Variants in DLGAP2 observed in about 807,000 individuals in gnomAD.
The protein encoded by DLGAP2 is DLG associated protein 2, also known as disks large-associated protein 2.
DLGAP2 carries 26 observed loss-of-function variants against 100.3 expected under a neutral mutation model. That is an observed-to-expected ratio of 0.26 (90% CI 0.19 to 0.36). The LOEUF is 0.36. Among genes scored for constraint, DLGAP2 ranks in the 10% least tolerant of loss-of-function variants. The pLI is 1.00. For synonymous variants in DLGAP2, 886 were observed against 630.1 expected, an observed-to-expected ratio of 1.41 and a Z score of -6.08; for missense variants, 1,858 against 1,453.2, an observed-to-expected ratio of 1.28 and a Z score of -4.53.
At chr8:1,157,990 G>C (rs1034284794) in intron 2 of DLGAP2, among the ~76,000 whole-genome samples, 1 of 152,230 alleles carries the variant, frequency 6.6e-6, no homozygotes, top group Non-Finnish European at 1.5e-5. Flanking sequence ...ACAGATTCCA[G>C]TTTTACAGAG....
Position 1,632,903 on chromosome 8 carries a change from T to C in DLGAP2, c.1667T>C (p.Met556Thr), listed in dbSNP as rs2130781320. Residue 556 changes from methionine (M) to threonine (T), a missense_variant, in exon 8 of 15, where the codon ATG (methionine) becomes ACG (threonine). Physicochemically the swap from Met to Thr is moderately conservative, Grantham distance 81 (BLOSUM62 -1). Transcript: ENST00000637795. Reference sequence around the variant, plus strand: ...TTCAGTGAAGTTGAATCTCAGGCCATGGATGCCCTCGACCTCCCGGGATGT... The same window carrying C: ...TTCAGTGAAGTTGAATCTCAGGCCACGGATGCCCTCGACCTCCCGGGATGT... ...SVFSEVESQA[M>T]DALDLPGCFR... 10 of 1,613,918 alleles carry C rather than the reference T, an allele frequency of 6.2e-6. No homozygotes were observed. In the East Asian group the frequency reaches 8.9e-5, roughly 14 times the overall value.
At chr8:750,678 C>T (rs1298977159) in intron 1 of DLGAP2, among the ~76,000 whole-genome samples, 5 of 152,226 alleles carry the variant, frequency 3.3e-5, no homozygotes, top group Admixed American at 6.5e-5. Flanking sequence ...GCCCACATCC[C>T]GGTCTGCCTC....
chr8:853,971 C>T (rs1459888483), intron 1 of DLGAP2, among the ~76,000 whole-genome samples: 1 of 152,038 alleles, frequency 6.6e-6, no homozygotes, highest in Non-Finnish European at 1.5e-5. Context: ...TAAAAGGGAC[C>T]TGAGAGAGCT....
chr8:1,239,503 T>TTGTGTCTAGTTCTCTCACATGGTGC, intron 2 of DLGAP2, among the ~76,000 whole-genome samples: 4 of 68,244 alleles, frequency 5.9e-5, no homozygotes, highest in Admixed American at 1.7e-4. Context: ...ACACAGAGCA[T>TTGTGTCTAGTTCTCTCACATGGTGC]CGTGTCTAGT....
At chr8:1,522,225 G>C (rs1800628894) in intron 4 of DLGAP2, among the ~76,000 whole-genome samples, 2 of 152,234 alleles carry the variant, frequency 1.3e-5, no homozygotes, top group South Asian at 4.1e-4. Flanking sequence ...ATTTTTCCCA[G>C]TTGGGTTTGA....
chr8:1,558,607 C>T (rs927564818), intron 5 of DLGAP2, among the ~76,000 whole-genome samples: 1 of 148,470 alleles, frequency 6.7e-6, no homozygotes, highest in Admixed American at 6.7e-5. Flanking sequence ...CACCCATATG[C>T]CTGCACACAC....
intron 2 of DLGAP2, among the ~76,000 whole-genome samples, chr8:1,023,994 C>T (rs1164593194): frequency 1.3e-5 from 2 of 151,716 alleles, no homozygotes; most frequent in African/African-American, 2.4e-5. Flanking sequence ...CAGCCTCCAC[C>T]TCTTGTGTCT....
At chr8:1,082,207 G>C (rs1208200014) in intron 2 of DLGAP2, among the ~76,000 whole-genome samples, 1 of 152,118 alleles carries the variant, frequency 6.6e-6, no homozygotes, top group Non-Finnish European at 1.5e-5. Flanking sequence ...TAGAACTCGA[G>C]TGGCAGGTGG....
intron 3 of DLGAP2, among the ~76,000 whole-genome samples, chr8:1,306,601 A>G (rs1291226194): frequency 6.6e-6 from 1 of 152,212 alleles, no homozygotes; most frequent in Non-Finnish European, 1.5e-5. Flanking sequence ...CTTGAAAAAT[A>G]AGAACTAAGT....
In DLGAP2 at chr8:1,678,461, G is replaced by T. The variant is rs1331614634; in HGVS notation, c.2536G>T (p.Asp846Tyr). 6.2e-6 allele frequency: 10 copies of T among 1,613,318 alleles called. No individual in the cohort carries two copies. In the African/African-American group the frequency reaches 1.2e-4, roughly 19 times the overall value. The change falls in exon 12 of 15, where the codon GAC (aspartate) becomes TAC (tyrosine). Residue 846 changes from aspartate to tyrosine, a missense_variant. By Grantham distance (160) the Asp-to-Tyr change is radical (BLOSUM62 -3). Transcript: ENST00000637795. ...GGACACCTCCACCCTGCCCCCTCCA[G>T]ACCCCTGGCTGGAGCCCGCCATCGA... ...QVDTSTLPPPDPWLEPAIDTV... is the reference protein window; with the variant it reads ...QVDTSTLPPPYPWLEPAIDTV...
chr8:776,815 A>T (rs549613155), intron 1 of DLGAP2, among the ~76,000 whole-genome samples: 25 of 152,288 alleles, frequency 1.6e-4, no homozygotes, highest in Admixed American at 3.9e-4. Context: ...GCTGAAAAAA[A>T]TGTATATTCT....
chr8:1,490,715 C>T (rs1345529975), intron 3 of DLGAP2, among the ~76,000 whole-genome samples: 2 of 152,268 alleles, frequency 1.3e-5, no homozygotes, highest in South Asian at 4.2e-4. Flanking sequence ...ATGAACTGAC[C>T]TGGGCCCCAC....
intron 2 of DLGAP2, among the ~76,000 whole-genome samples, chr8:1,034,558 A>G (rs1284199276): frequency 3.7e-5 from 2 of 54,518 alleles, no homozygotes; most frequent in Non-Finnish European, 3.3e-5. Flanking sequence ...CCGCGAGTGG[A>G]CTCACACGCT....
At chr8:1,244,287 A>G (rs553719489) in intron 2 of DLGAP2, among the ~76,000 whole-genome samples, 1 of 152,312 alleles carries the variant, frequency 6.6e-6, no homozygotes, top group South Asian at 2.1e-4. Flanking sequence ...GAGGTGCTTA[A>G]TAAATAACTG....
At chr8:1,250,872 C>T (rs1352666669) in intron 2 of DLGAP2, among the ~76,000 whole-genome samples, 1 of 152,298 alleles carries the variant, frequency 6.6e-6, no homozygotes, top group African/African-American at 2.4e-5. Context: ...GACGGGGTGA[C>T]GCTCTGAGAA....
intron 2 of DLGAP2, among the ~76,000 whole-genome samples, chr8:981,618 G>C (rs1800334139): frequency 6.6e-6 from 1 of 152,164 alleles, no homozygotes; most frequent in Non-Finnish European, 1.5e-5. Context: ...AGCTGTACTA[G>C]TGAGTGTGAG....
chr8:1,099,667 T>C (rs1271274766), intron 2 of DLGAP2, among the ~76,000 whole-genome samples: 1 of 152,238 alleles, frequency 6.6e-6, no homozygotes, highest in Non-Finnish European at 1.5e-5. Flanking sequence ...ATTTCTACAT[T>C]AATTAAGTGG....
intron 2 of DLGAP2, among the ~76,000 whole-genome samples, chr8:967,459 C>G (rs1024331151): frequency 1.6e-4 from 25 of 151,948 alleles, no homozygotes; most frequent in African/African-American, 6.0e-4. Context: ...GCTTAAGATG[C>G]CCTTAATTGT....
intron 5 of DLGAP2, among the ~76,000 whole-genome samples, chr8:1,556,347 A>T (rs1425419099): frequency 5.3e-5 from 8 of 151,692 alleles, no homozygotes. Flanking sequence ...TCTCCCACCC[A>T]GGACAGCTGA....
Sources: allele counts gnomAD v4.1 joint callset (sites outside exome capture counted in the v4.1 genomes callset), GRCh38; gene constraint gnomAD v4.1.1; transcripts MANE v1.5; gene names NCBI Gene and HGNC (gene_info 2026-07-23, HGNC 2026-07-21).